Variants in TNKS observed in about 807,000 individuals in gnomAD.
The protein encoded by TNKS is tankyrase.
Under a neutral mutation model 135.8 loss-of-function variants are expected in TNKS, and 72 were observed. The observed-to-expected ratio is 0.53, with a 90% CI of 0.44 to 0.64. The LOEUF (loss-of-function observed/expected upper bound fraction) is 0.64. Among genes scored for constraint, TNKS ranks in the 30% least tolerant of loss-of-function variants. The pLI is 0.00. For missense variants in TNKS, 1,769 were observed against 1,674.0 expected (o/e 1.06, Z -0.99); for synonymous variants, 849 against 649.3 (o/e 1.31, Z -4.68).
chr8:9,630,052 C>T (rs886924054), intron 3 of TNKS, among the ~76,000 whole-genome samples: 1 of 152,194 alleles, frequency 6.6e-6, no homozygotes, highest in Non-Finnish European at 1.5e-5. Flanking sequence ...CCTGACCTCT[C>T]AAATGGGCTA....
chr8:9,569,067 A>G (rs1367940967), intron 1 of TNKS, among the ~76,000 whole-genome samples: 1 of 151,946 alleles, frequency 6.6e-6, no homozygotes, highest in African/African-American at 2.4e-5. Flanking sequence ...CACTAATCTC[A>G]TCAGAAAAGT....
chr8:9,594,188 T>C (rs1184447109), intron 2 of TNKS, among the ~76,000 whole-genome samples: 1 of 152,072 alleles, frequency 6.6e-6, no homozygotes, highest in African/African-American at 2.4e-5. Flanking sequence ...CGCCCGGCTA[T>C]CTCCTGTTAT....
At chr8:9,703,944 G>A (rs770941833) in intron 5 of TNKS, among the ~76,000 whole-genome samples, 7 of 152,166 alleles carry the variant, frequency 4.6e-5, no homozygotes, top group Non-Finnish European at 7.3e-5. Context: ...TTTTAGTAGA[G>A]AACCTTCTAA....
At chr8:9,763,319 C>A in intron 22 of TNKS, 75 bp downstream of exon 22, 2 of 984,520 alleles carry the variant, frequency 2.0e-6, no homozygotes, top group Admixed American at 2.1e-5. Flanking sequence ...GAATTAACCT[C>A]GTCTTACATT....
chr8:9,595,198 G>A (rs1798732755), intron 2 of TNKS, among the ~76,000 whole-genome samples: 1 of 151,088 alleles, frequency 6.6e-6, no homozygotes, highest in African/African-American at 2.4e-5. Context: ...TCGGCTCACT[G>A]CAACCTCTGC....
At chr8:9,690,975 T>G (rs905407373) in intron 5 of TNKS, among the ~76,000 whole-genome samples, 1 of 152,202 alleles carries the variant, frequency 6.6e-6, no homozygotes, top group Admixed American at 6.5e-5. Flanking sequence ...ACCTTCGCTA[T>G]GACAGCTCTG....
intron 3 of TNKS, among the ~76,000 whole-genome samples, chr8:9,653,803 C>G (rs1801237256): frequency 6.6e-6 from 1 of 152,198 alleles, no homozygotes; most frequent in Non-Finnish European, 1.5e-5. Flanking sequence ...TCTGCCCTTT[C>G]TTTCTGCTGG....
chr8:9,727,255 T>A (rs1805208942), intron 13 of TNKS, among the ~76,000 whole-genome samples: 1 of 152,198 alleles, frequency 6.6e-6, no homozygotes. Flanking sequence ...CTTCAAAAAT[T>A]TTATCAGTCT....
chr8:9,685,555 T>C lies in TNKS; in HGVS notation c.1107+4755T>C, dbSNP rs1163049073. Among the ~76,000 whole-genome samples the C allele has an allele frequency of 2.0e-5, 3 of 152,192 alleles. No homozygotes were observed. In the East Asian group the frequency reaches 5.8e-4, roughly 29 times the overall value. ...ACTCCAGTGTTCCCCTTCTCTCCAC[T>C]TAAATGTCCTTATTGTCCAAGCTCT... On this transcript the variant is annotated intron_variant, in intron 5 of 26. Transcript: ENST00000310430.
chr8:9,731,008 G>A lies in TNKS; in HGVS notation c.2120G>A (p.Gly707Asp). ...GTTGTAGAGTACCTGCTACACCACG[G>A]TGCCGATGTCCATGCCAAAGACAAG... ...VSVVEYLLHH[G>D]ADVHAKDKGG... The change falls in exon 14 of 27, where the codon GGT (glycine) becomes GAT (aspartate). Residue 707 changes from glycine (G) to aspartate (D), a missense_variant. Physicochemically the swap from Gly to Asp is moderately conservative, Grantham distance 94. This residue lies in a region of TNKS where 69 missense variants were observed against 120.3 expected (regional missense o/e 0.57). Coordinates refer to ENST00000310430, the MANE Select transcript of TNKS (RefSeq NM_003747.3). 1 of 1,612,196 alleles carries A rather than the reference G, an allele frequency of 6.2e-7. No homozygotes were observed. The highest frequency in any genetic ancestry group is 8.5e-7 in the Non-Finnish European group (1 of 1,179,092).
At chr8:9,644,745 C>T (rs920749666) in intron 3 of TNKS, among the ~76,000 whole-genome samples, 4 of 152,104 alleles carry the variant, frequency 2.6e-5, no homozygotes, top group Non-Finnish European at 5.9e-5. Context: ...ACAGACAGTC[C>T]TCGACTTATG....
intron 2 of TNKS, among the ~76,000 whole-genome samples, chr8:9,614,714 A>G (rs867717473): frequency 2.0e-4 from 31 of 152,246 alleles, no homozygotes; most frequent in African/African-American, 7.0e-4. Context: ...ACATTCATTG[A>G]TTTAATCATT....
chr8:9,744,418 G>A (rs1005646443), intron 17 of TNKS, among the ~76,000 whole-genome samples: 6 of 152,122 alleles, frequency 3.9e-5, no homozygotes, highest in African/African-American at 1.2e-4. Flanking sequence ...TGACATAATT[G>A]TAATAAAGCC....
chr8:9,724,508 G>A (rs1805064777), intron 12 of TNKS, among the ~76,000 whole-genome samples: 1 of 152,084 alleles, frequency 6.6e-6, no homozygotes, highest in Non-Finnish European at 1.5e-5. Context: ...ATAGTACTTT[G>A]CATACAAGCT....
chr8:9,576,194 C>A (rs1797937175), intron 1 of TNKS, among the ~76,000 whole-genome samples: 1 of 152,254 alleles, frequency 6.6e-6, no homozygotes, highest in South Asian at 2.1e-4. Context: ...TTATTTCCTG[C>A]CCAATTCCCG....
chr8:9,768,469 G>C (rs943561310), intron 25 of TNKS, among the ~76,000 whole-genome samples: 1 of 152,222 alleles, frequency 6.6e-6, no homozygotes, highest in African/African-American at 2.4e-5. Flanking sequence ...TTTGCCACCA[G>C]GGCTAATTGG....
intron 20 of TNKS, among the ~76,000 whole-genome samples, chr8:9,760,301 T>C (rs1807078986): frequency 6.6e-6 from 1 of 152,202 alleles, no homozygotes; most frequent in Admixed American, 6.5e-5. Context: ...GCCCGCTTTG[T>C]GCAATGAAGC....
In TNKS at chr8:9,706,827, A is replaced by AT. The variant is rs1449805959; in HGVS notation, c.1287dup (p.Ala430CysfsTer27). 2 of 1,611,354 alleles carry AT rather than the reference A, an allele frequency of 1.2e-6. No individual in the cohort carries two copies. Among genetic ancestry groups the AT allele is most frequent in the Non-Finnish European group, 1.7e-6 (2 of 1,179,316 alleles). ...TCAATTCAGCATGGAGCTTGTGTTA[A>AT]TGCCATGGATCTCTGGCAGTTTACT... On this transcript the variant is annotated frameshift_variant, in exon 8 of 27. Transcript: ENST00000310430. LOFTEE classifies it high-confidence loss of function.
chr8:9,723,095 T>G (rs565097599), intron 12 of TNKS, among the ~76,000 whole-genome samples: 9 of 151,726 alleles, frequency 5.9e-5, no homozygotes, highest in African/African-American at 2.2e-4. Context: ...AATTCTTTAT[T>G]GATCTGGAAA....
Sources: allele counts gnomAD v4.1 joint callset (sites outside exome capture counted in the v4.1 genomes callset), GRCh38; gene constraint gnomAD v4.1.1; regional missense constraint gnomAD v4.1.1; transcripts MANE v1.5; gene names NCBI Gene and HGNC (gene_info 2026-07-23, HGNC 2026-07-21).